ANKS1B: variants seen among roughly 807,000 people sequenced by gnomAD.
ANKS1B encodes the protein ankyrin repeat and sterile alpha motif domain-containing protein 1B.
In ANKS1B, 36 loss-of-function variants were observed where a neutral mutation model predicts 148.3. The observed-to-expected ratio is 0.24, with a 90% CI of 0.19 to 0.32. The LOEUF (loss-of-function observed/expected upper bound fraction) is 0.32, where lower values mean the gene tolerates loss of function less well. ANKS1B is among the 10% of genes least tolerant of loss of function. The probability of loss-of-function intolerance (pLI) is 1.00; values close to 1 mark genes in which losing one functional copy is unlikely to be tolerated. For synonymous variants in ANKS1B, 542 were observed against 560.8 expected (o/e 0.97, Z 0.47); for missense variants, 1,157 against 1,542.6 (o/e 0.75, Z 4.19).
intron 1 of ANKS1B, among the ~76,000 whole-genome samples, chr12:99,862,629 T>C (rs1050369073): frequency 3.2e-4 from 48 of 152,360 alleles, no homozygotes; most frequent in African/African-American, 9.6e-4. Context: ...TATTCAGTTA[T>C]CAAAGATACA....
At chr12:99,944,154 T>A (rs2094993655) in intron 1 of ANKS1B, among the ~76,000 whole-genome samples, 1 of 152,156 alleles carries the variant, frequency 6.6e-6, no homozygotes, top group Admixed American at 6.6e-5. Flanking sequence ...CTCAGCAGCA[T>A]CCAAATTTAC....
chr12:99,139,354 C>CTT (rs57648906), intron 15 of ANKS1B, among the ~76,000 whole-genome samples: 3,127 of 3,370 alleles, frequency 0.93, 1,451 homozygotes, highest in South Asian at 0.94. Context: ...TCCCTCCCTC[C>CTT]CTCCCTCCCT....
chr12:99,950,099 A>G (rs1400164236), intron 1 of ANKS1B, among the ~76,000 whole-genome samples: 1 of 146,156 alleles, frequency 6.8e-6, no homozygotes, highest in African/African-American at 2.6e-5. Flanking sequence ...GGTGCACGCC[A>G]TCATGCTCAG....
intron 1 of ANKS1B, among the ~76,000 whole-genome samples, chr12:99,960,387 G>T (rs1230102268): frequency 6.6e-6 from 1 of 152,154 alleles, no homozygotes; most frequent in African/African-American, 2.4e-5. Flanking sequence ...GAAAACCACA[G>T]CCAAATCATG....
intron 8 of ANKS1B, among the ~76,000 whole-genome samples, chr12:99,724,612 C>T (rs997935700): frequency 7.9e-5 from 12 of 152,046 alleles, no homozygotes; most frequent in Non-Finnish European, 1.2e-4. Context: ...ATGTTGCCAA[C>T]CTAGCAAGAT....
At chr12:99,050,539 A>T (rs1453584586) in intron 17 of ANKS1B, among the ~76,000 whole-genome samples, 1 of 152,176 alleles carries the variant, frequency 6.6e-6, no homozygotes, top group African/African-American at 2.4e-5. Flanking sequence ...GGCATGCTTC[A>T]GAGGATTTTG....
intron 9 of ANKS1B, among the ~76,000 whole-genome samples, chr12:99,550,059 T>A (rs1212121783): frequency 2.0e-5 from 3 of 152,212 alleles, no homozygotes; most frequent in African/African-American, 4.8e-5. Flanking sequence ...CCTGTGTTGT[T>A]GTTGAGCCAG....
chr12:98,809,614 TAAG>T (rs973578621), intron 19 of ANKS1B, among the ~76,000 whole-genome samples: 1 of 152,098 alleles, frequency 6.6e-6, no homozygotes, highest in Non-Finnish European at 1.5e-5. Context: ...CTGGGATGGC[TAAG>T]AAGGAGTGTG....
At chr12:99,145,386 G>T (rs1267873202) in intron 15 of ANKS1B, among the ~76,000 whole-genome samples, 2 of 152,118 alleles carry the variant, frequency 1.3e-5, no homozygotes, top group African/African-American at 4.8e-5. Flanking sequence ...AGCAGTGAAA[G>T]ATAAGGCTGG....
intron 9 of ANKS1B, among the ~76,000 whole-genome samples, chr12:99,549,056 CT>C (rs2097195712): frequency 6.6e-6 from 1 of 152,092 alleles, no homozygotes; most frequent in Admixed American, 6.5e-5. Flanking sequence ...TTACCTATAT[CT>C]TTTTTCCAAA....
chr12:99,276,993 T>G (rs2077756625), intron 12 of ANKS1B, among the ~76,000 whole-genome samples: 2 of 152,184 alleles, frequency 1.3e-5, no homozygotes, highest in Non-Finnish European at 2.9e-5. Context: ...TACGTCTACA[T>G]TCCCCTTTCT....
At chr12:98,866,266 C>A (rs1052472462) in intron 17 of ANKS1B, among the ~76,000 whole-genome samples, 1 of 152,220 alleles carries the variant, frequency 6.6e-6, no homozygotes, top group African/African-American at 2.4e-5. Context: ...TACAGCACTC[C>A]TGTGAATCTC....
chr12:99,020,771 G>T (rs1482742513), intron 17 of ANKS1B, among the ~76,000 whole-genome samples: 1 of 152,078 alleles, frequency 6.6e-6, no homozygotes, highest in Non-Finnish European at 1.5e-5. Flanking sequence ...CATGTAGAAA[G>T]ATTTGTTCTT....
intron 17 of ANKS1B, among the ~76,000 whole-genome samples, chr12:98,871,367 T>C (rs1352836583): frequency 6.6e-6 from 1 of 152,210 alleles, no homozygotes; most frequent in Non-Finnish European, 1.5e-5. Context: ...AATAACATAA[T>C]TTCTACGATA....
At chr12:99,477,389 G>A (rs2096341963) in intron 10 of ANKS1B, among the ~76,000 whole-genome samples, 1 of 152,032 alleles carries the variant, frequency 6.6e-6, no homozygotes, top group Non-Finnish European at 1.5e-5. Flanking sequence ...GGTTTGCTAG[G>A]TTATTTCCCG....
chr12:99,362,987 T>C (rs1288035471), intron 12 of ANKS1B, among the ~76,000 whole-genome samples: 1 of 152,048 alleles, frequency 6.6e-6, no homozygotes, highest in African/African-American at 2.4e-5. Context: ...TAGGGTCGAA[T>C]TGCACATCTC....
intron 20 of ANKS1B, among the ~76,000 whole-genome samples, chr12:98,803,679 T>C (rs1051135933): frequency 6.6e-6 from 1 of 152,092 alleles, no homozygotes; most frequent in Non-Finnish European, 1.5e-5. Context: ...GGTGGTGCCA[T>C]GAGTTGCAGG....
At chr12:99,336,034 G>T (rs1473183432) in intron 12 of ANKS1B, among the ~76,000 whole-genome samples, 1 of 151,914 alleles carries the variant, frequency 6.6e-6, no homozygotes, top group Non-Finnish European at 1.5e-5. Context: ...CACTATTATT[G>T]CCTGTCTTTT....
At chr12:99,880,189 A>G (rs921434725) in intron 1 of ANKS1B, among the ~76,000 whole-genome samples, 2 of 152,208 alleles carry the variant, frequency 1.3e-5, no homozygotes, top group African/African-American at 4.8e-5. Flanking sequence ...CAAATTTTCC[A>G]AAGTAGTGAG....
Sources: gnomAD v4.1 joint callset for allele counts (sites outside exome capture counted in the v4.1 genomes callset) on GRCh38, gnomAD v4.1.1 for gene constraint, MANE v1.5 for transcripts, NCBI Gene and HGNC (gene_info 2026-07-23, HGNC 2026-07-21) for gene names.